SMNDC1: variants seen among roughly 807,000 people sequenced by gnomAD.
SMNDC1 encodes the protein survival of motor neuron-related-splicing factor 30.
SMNDC1 carries 5 observed loss-of-function variants against 29.2 expected under a neutral mutation model. The observed-to-expected ratio is 0.17, with a 90% CI of 0.09 to 0.36. The LOEUF is 0.36. Ranked by LOEUF, SMNDC1 falls within the 10% of genes least tolerant of loss-of-function variation. SMNDC1 has a pLI of 1.00. For synonymous variants in SMNDC1, 80 were observed against 89.9 expected, an observed-to-expected ratio of 0.89 and a Z score of 0.62; for missense variants, 142 against 268.5, an observed-to-expected ratio of 0.53 and a Z score of 3.29.
At chr10:110,300,832 T>C (rs550904999) in intron 2 of SMNDC1, 14 of 483,330 alleles carry the variant, frequency 2.9e-5, no homozygotes, top group South Asian at 1.8e-4. Flanking sequence ...CTGATTATCA[T>C]AGACTGCCCG....
chr10:110,294,872 G>A (rs1857543327), intron 5 of SMNDC1, among the ~76,000 whole-genome samples: 1 of 152,184 alleles, frequency 6.6e-6, no homozygotes, highest in Non-Finnish European at 1.5e-5. Flanking sequence ...GAAACTGAAT[G>A]CACTTTTAAA....
Position 110,297,744 on chromosome 10 carries a change from G to A in SMNDC1, c.264-16C>T. On this transcript the variant is annotated splice_polypyrimidine_tract_variant and intron_variant, in intron 3 of 5. Coordinates refer to ENST00000369603, the MANE Select transcript of SMNDC1 (RefSeq NM_005871.4). ...TTCATAACACCTGTAAAGATATCAT[G>A]GCTGTAAGCAGGTGAGTAAAGGTTT... The A allele has an allele frequency of 6.2e-7, 1 of 1,611,094 alleles. No homozygotes were observed. Among genetic ancestry groups the A allele is most frequent in the Non-Finnish European group, 8.5e-7 (1 of 1,178,378 alleles).
Position 110,292,614 on chromosome 10 carries a change from C to G in SMNDC1, c.*1536G>C, listed in dbSNP as rs546466904. The G allele has an allele frequency of 1.3e-5, 2 of 152,126 alleles. No individual in the cohort carries two copies. Among genetic ancestry groups the G allele is most frequent in the South Asian group, 2.1e-4 (1 of 4,810 alleles). The allele number at this position is 152,126 out of a possible 1,614,324, so 9.4% of individuals were successfully genotyped here. ...TAGAAGTTTACAGGCTTCAACAAAC[C>G]CTTTTTCTACTGCAGTTTGTGCCTT... On this transcript the variant is annotated 3_prime_UTR_variant, in exon 6 of 6. Coordinates refer to ENST00000369603, the MANE Select transcript of SMNDC1 (RefSeq NM_005871.4).
rs2134494878 is a variant in SMNDC1, at chr10:110,291,321, C to A, written c.*2829G>T. Reference sequence around the variant, plus strand: ...TTTATTATAACCTTCACCCCCTTCCCATTAAGAAACATGCCCTAGTATACA... The same window carrying A: ...TTTATTATAACCTTCACCCCCTTCCAATTAAGAAACATGCCCTAGTATACA... On this transcript the variant is annotated 3_prime_UTR_variant, in exon 6 of 6. Transcript: ENST00000369603. 6.6e-6 allele frequency: 1 copy of A among 152,270 alleles called. No individual in the cohort carries two copies. Among genetic ancestry groups the A allele is most frequent in the Middle Eastern group, 3.4e-3 (1 of 294 alleles). 9.4% of individuals were successfully genotyped at this position (152,270 alleles called of 1,614,324 possible).
intron 4 of SMNDC1, among the ~76,000 whole-genome samples, chr10:110,296,970 G>A (rs1857571240): frequency 6.6e-6 from 1 of 152,142 alleles, no homozygotes; most frequent in South Asian, 2.1e-4. Flanking sequence ...TCTTACAGAT[G>A]AGGAAACAGA....
At chr10:110,301,146 G>A (rs1213657581) in intron 2 of SMNDC1, among the ~76,000 whole-genome samples, 2 of 152,184 alleles carry the variant, frequency 1.3e-5, no homozygotes, top group Admixed American at 6.5e-5. Flanking sequence ...ATATTAATAT[G>A]AGGAAGCCAC....
intron 5 of SMNDC1, among the ~76,000 whole-genome samples, chr10:110,294,858 A>C (rs1857543136): frequency 6.6e-6 from 1 of 152,250 alleles, no homozygotes; most frequent in African/African-American, 2.4e-5. Context: ...TAAGTGTATC[A>C]AGGGAAACTG....
At chr10:110,304,122 T>C (rs1224220975) in intron 1 of SMNDC1, 1 of 152,482 alleles carries the variant, frequency 6.6e-6, no homozygotes, top group African/African-American at 2.4e-5. Context: ...CTTAAATATT[T>C]ATCGGTGCAT....
chr10:110,298,738 A>G lies in SMNDC1; in HGVS notation c.173T>C (p.Leu58Pro). Reference sequence around the variant, plus strand: ...AGAAGCAAAACTGTCTGAACTTGCAAGCGTCTCAGAAGGTTGAGTTGACAG... The same window carrying G: ...AGAAGCAAAACTGTCTGAACTTGCAGGCGTCTCAGAAGGTTGAGTTGACAG... Reference protein sequence around the residue: ...DLLSTQPSETLASSDSFASTQ... With the variant: ...DLLSTQPSETPASSDSFASTQ... Residue 58 changes from leucine to proline, a missense_variant, in exon 3 of 6, where the codon CTT becomes CCT. Leu to Pro is a moderately conservative substitution (Grantham distance 98, BLOSUM62 -3). Around this residue, in one of 4 missense-constraint regions of SMNDC1, gnomAD observed 65 missense variants for 75.9 expected, o/e 0.86. Transcript: ENST00000369603. The G allele has an allele frequency of 6.2e-7, 1 of 1,613,774 alleles. No individual in the cohort carries two copies. The highest frequency in any genetic ancestry group is 1.1e-5 in the South Asian group (1 of 91,074).
At chr10:110,304,276 C>T (rs777798399) in intron 1 of SMNDC1, 1 of 152,212 alleles carries the variant, frequency 6.6e-6, no homozygotes, top group African/African-American at 2.4e-5. Context: ...AAATGTACCA[C>T]GTTTCCGAGG....
In SMNDC1 at chr10:110,292,115, G is replaced by A. The variant is rs181930466; in HGVS notation, c.*2035C>T. 3.9e-5 allele frequency: 6 copies of A among 152,238 alleles called. No homozygotes were observed. Among genetic ancestry groups the A allele is most frequent in the Admixed American group, 2.0e-4 (3 of 15,286 alleles). 9.4% of individuals were successfully genotyped at this position (152,238 alleles called of 1,614,324 possible). A position where few individuals can be genotyped will look rare whatever the true frequency, so the allele number is the denominator to read the frequency against. On this transcript the variant is annotated 3_prime_UTR_variant, in exon 6 of 6. Transcript: ENST00000369603. ...CTGTGGGTATCATGCTTCTCATTGA[G>A]CATCTTCTCAAATTCAGTATCACAC... is the stretch of plus-strand genomic sequence containing the variant.
At chr10:110,295,637 C>T (rs1480832428) in intron 4 of SMNDC1, among the ~76,000 whole-genome samples, 2 of 112,886 alleles carry the variant, frequency 1.8e-5, no homozygotes, top group Non-Finnish European at 4.2e-5. Context: ...TTCAACTATG[C>T]CTTTTTTTTT....
At chr10:110,295,429 G>T in intron 4 of SMNDC1, 48 bp from the exon 5 acceptor site, 4 of 1,480,612 alleles carry the variant, frequency 2.7e-6, no homozygotes, top group African/African-American at 1.4e-5. Context: ...TATCATACAA[G>T]AATGACTTCC....
Position 110,302,939 on chromosome 10 carries a change from T to C in SMNDC1, c.120+529A>G, listed in dbSNP as rs1857675977. ...AAACCTAGCCTTAAGTCTGAACATCTATGTAACAATTATACAAAGCACTTG... is the reference window on the plus strand; with the variant it reads ...AAACCTAGCCTTAAGTCTGAACATCCATGTAACAATTATACAAAGCACTTG... On this transcript the variant is annotated intron_variant, in intron 2 of 5. Coordinates refer to ENST00000369603, the MANE Select transcript of SMNDC1 (RefSeq NM_005871.4). Among the ~76,000 whole-genome samples, 3 of 152,340 alleles carry C rather than the reference T, an allele frequency of 2.0e-5. 1 individual carries two copies. In the South Asian group the frequency reaches 6.2e-4, roughly 32 times the overall value.
In SMNDC1 at chr10:110,298,751, G is replaced by T. The variant is rs1857604800; in HGVS notation, c.160C>A (p.Pro54Thr). The T allele has an allele frequency of 6.2e-7, 1 of 1,613,656 alleles. No homozygotes were observed. Among genetic ancestry groups the T allele is most frequent in the African/African-American group, 1.3e-5 (1 of 75,016 alleles). Reference sequence around the variant, plus strand: ...TCTGAACTTGCAAGCGTCTCAGAAGGTTGAGTTGACAGAAGGTCTTTGGTT... The same window carrying T: ...TCTGAACTTGCAAGCGTCTCAGAAGTTTGAGTTGACAGAAGGTCTTTGGTT... ...ELTKDLLSTQ[P>T]SETLASSDSF... The change falls in exon 3 of 6, where the codon CCT becomes ACT. Residue 54 changes from proline (P) to threonine (T), a missense_variant. This residue lies in a region of SMNDC1 where 65 missense variants were observed against 75.9 expected (regional missense o/e 0.86). Transcript: ENST00000369603.
chr10:110,296,977 C>G (rs1428216833), intron 4 of SMNDC1, among the ~76,000 whole-genome samples: 4 of 152,200 alleles, frequency 2.6e-5, no homozygotes, highest in Non-Finnish European at 5.9e-5. Flanking sequence ...GATGAGGAAA[C>G]AGAGTTAAAC....
chr10:110,296,595 C>T (rs1857565478), intron 4 of SMNDC1, among the ~76,000 whole-genome samples: 1 of 152,258 alleles, frequency 6.6e-6, no homozygotes, highest in East Asian at 1.9e-4. Context: ...CATAGTTCCC[C>T]ATTCCCATTG....
chr10:110,298,353 CCATT>C (rs1001060076), intron 3 of SMNDC1, among the ~76,000 whole-genome samples: 2 of 152,154 alleles, frequency 1.3e-5, no homozygotes, highest in Admixed American at 6.5e-5. Context: ...GAAAAACCAA[CCATT>C]CACTCAATTT....
At chr10:110,295,402 T>C (rs369241136) in intron 4 of SMNDC1, 21 bp from the exon 5 acceptor site, 8 of 1,572,806 alleles carry the variant, frequency 5.1e-6, no homozygotes, top group Non-Finnish European at 6.0e-6. Flanking sequence ...AAAAGTTAAA[T>C]GTCAACTGTT....
Sources: allele counts gnomAD v4.1 joint callset (sites outside exome capture counted in the v4.1 genomes callset), GRCh38; gene constraint gnomAD v4.1.1; regional missense constraint gnomAD v4.1.1; transcripts MANE v1.5; gene names NCBI Gene and HGNC (gene_info 2026-07-23, HGNC 2026-07-21).